COG5: variants seen among roughly 807,000 people sequenced by gnomAD.
The protein encoded by COG5 is component of oligomeric golgi complex 5, also known as conserved oligomeric Golgi complex subunit 5.
Under a neutral mutation model 110.4 loss-of-function variants are expected in COG5, and 86 were observed. The observed-to-expected ratio is 0.78, with a 90% CI of 0.65 to 0.93. The LOEUF is 0.93. Among genes scored for constraint, COG5 ranks in the 40% least tolerant of loss-of-function variants. COG5 has a pLI of 0.00. For synonymous variants in COG5, 360 were observed against 334.6 expected (o/e 1.08, Z -0.83); for missense variants, 1,077 against 987.0 (o/e 1.09, Z -1.22).
At chr7:107,511,164 G>T (rs1490430574) in intron 6 of COG5, among the ~76,000 whole-genome samples, 1 of 151,308 alleles carries the variant, frequency 6.6e-6, no homozygotes, top group African/African-American at 2.4e-5. Context: ...TAATAAAGAA[G>T]AAAAGAGAGA....
chr7:107,236,235 A>G (rs1562926800), intron 18 of COG5, among the ~76,000 whole-genome samples: 2 of 152,118 alleles, frequency 1.3e-5, no homozygotes, highest in Non-Finnish European at 2.9e-5. Context: ...TACCAAAGAG[A>G]GGGATAATTA....
chr7:107,520,037 CA>C (rs1259933854), intron 6 of COG5, among the ~76,000 whole-genome samples: 1 of 151,940 alleles, frequency 6.6e-6, no homozygotes, highest in Non-Finnish European at 1.5e-5. Context: ...GAACCAATGA[CA>C]AAAAAACATA....
chr7:107,550,712 T>C (rs896725750), intron 3 of COG5, among the ~76,000 whole-genome samples: 18 of 152,200 alleles, frequency 1.2e-4, no homozygotes, highest in Middle Eastern at 3.2e-3. Flanking sequence ...AAAATTTTTC[T>C]TTCTGTTTTC....
intron 11 of COG5, among the ~76,000 whole-genome samples, chr7:107,309,637 T>A (rs949266646): frequency 2.0e-5 from 3 of 152,196 alleles, no homozygotes; most frequent in African/African-American, 7.2e-5. Flanking sequence ...AGAAACAAAT[T>A]ACTGAGTTTA....
At chr7:107,206,417 C>T (rs1466626301) in intron 21 of COG5, among the ~76,000 whole-genome samples, 3 of 152,154 alleles carry the variant, frequency 2.0e-5, no homozygotes, top group Admixed American at 6.5e-5. Flanking sequence ...CCAGAGCTGA[C>T]CCTGAATGGA....
intron 18 of COG5, among the ~76,000 whole-genome samples, chr7:107,233,533 G>A (rs757424478): frequency 1.3e-5 from 2 of 152,104 alleles, no homozygotes; most frequent in Non-Finnish European, 2.9e-5. Context: ...CTGAAAATAC[G>A]TCATTATCTC....
At chr7:107,381,458 C>T (rs1815114060) in intron 7 of COG5, among the ~76,000 whole-genome samples, 1 of 152,162 alleles carries the variant, frequency 6.6e-6, no homozygotes, top group Non-Finnish European at 1.5e-5. Flanking sequence ...TAAGTATATG[C>T]TACTAATCAT....
At chr7:107,306,912 T>C (rs2116966954) in intron 11 of COG5, among the ~76,000 whole-genome samples, 1 of 152,336 alleles carries the variant, frequency 6.6e-6, no homozygotes, top group East Asian at 1.9e-4. Context: ...CTCTGTTTCA[T>C]CCCAACTCAT....
intron 21 of COG5, chr7:107,209,412 G>C (rs1337835070): frequency 4.8e-6 from 1 of 206,826 alleles, no homozygotes; most frequent in East Asian, 1.8e-4. Context: ...CTGGGGTTGA[G>C]ATTTCTGTGG....
chr7:107,398,358 G>C (rs1456122068), intron 7 of COG5, among the ~76,000 whole-genome samples: 1 of 152,206 alleles, frequency 6.6e-6, no homozygotes, highest in Non-Finnish European at 1.5e-5. Context: ...GTGGCTGTTA[G>C]GAACTGGGCC....
At chr7:107,438,498 T>C (rs750260824) in intron 6 of COG5, among the ~76,000 whole-genome samples, 48 of 152,244 alleles carry the variant, frequency 3.2e-4, no homozygotes, top group Non-Finnish European at 1.0e-4. Flanking sequence ...AGGTTTCTCC[T>C]GAGTGATGTG....
chr7:107,437,769 C>T (rs1242107413), intron 6 of COG5, among the ~76,000 whole-genome samples: 3 of 152,118 alleles, frequency 2.0e-5, no homozygotes, highest in Admixed American at 6.5e-5. Context: ...TTTCCTACAA[C>T]AGTATATACT....
chr7:107,505,277 G>A (rs1031998215), intron 6 of COG5, among the ~76,000 whole-genome samples: 2 of 152,222 alleles, frequency 1.3e-5, no homozygotes, highest in South Asian at 4.1e-4. Context: ...GGTGGGGAAA[G>A]GTCCCAGCCT....
chr7:107,370,019 C>T (rs1237023569), intron 8 of COG5, among the ~76,000 whole-genome samples: 2 of 151,938 alleles, frequency 1.3e-5, no homozygotes, highest in Non-Finnish European at 2.9e-5. Context: ...ATTTTTTTCT[C>T]TTGGGTTGTT....
At chr7:107,213,873 T>A (rs571334176) in intron 19 of COG5, among the ~76,000 whole-genome samples, 3 of 152,294 alleles carry the variant, frequency 2.0e-5, no homozygotes, top group Admixed American at 6.5e-5. Context: ...ACTAGCGGAA[T>A]AGTGACACCA....
In COG5 at chr7:107,503,396, T is replaced by G. The variant is rs556869848; in HGVS notation, c.538+23841A>C. 3.4e-4 allele frequency among the ~76,000 whole-genome samples: 51 copies of G among 152,216 alleles called. 1 individual carries two copies. The highest frequency in any genetic ancestry group is 5.7e-4 in the Non-Finnish European group (39 of 68,028). ...ACCAGAACCATGCTGTTCTGGTAACTGTATACAGCCTTGTAGTATAACTAA... is the reference window on the plus strand; with the variant it reads ...ACCAGAACCATGCTGTTCTGGTAACGGTATACAGCCTTGTAGTATAACTAA... On this transcript the variant is annotated intron_variant, in intron 6 of 21. Coordinates refer to ENST00000297135, the MANE Select transcript of COG5 (RefSeq NM_006348.5).
At position 107,203,374 on chromosome 7, in the gene COG5, G is replaced by GTAAA; in HGVS notation, c.*138_*141dup. On this transcript the variant is annotated 3_prime_UTR_variant, in exon 22 of 22. Coordinates refer to ENST00000297135, the MANE Select transcript of COG5 (RefSeq NM_006348.5). ...ATGCTAAAGTATAAGTGCTAAAGAG[G>GTAAA]TAAATAAACGTCGATAGGAAATACC... 1 of 702,676 alleles carries GTAAA rather than the reference G, an allele frequency of 1.4e-6. No homozygotes were observed. The highest frequency in any genetic ancestry group is 2.3e-4 in the Middle Eastern group (1 of 4,268). The allele number at this position is 702,676 out of a possible 1,614,324, so 43.5% of individuals were successfully genotyped here.
intron 6 of COG5, among the ~76,000 whole-genome samples, chr7:107,416,911 C>A (rs1792888807): frequency 6.6e-6 from 1 of 152,100 alleles, no homozygotes; most frequent in Non-Finnish European, 1.5e-5. Flanking sequence ...TTTTAGAAGT[C>A]AGAGGAATAT....
intron 6 of COG5, among the ~76,000 whole-genome samples, chr7:107,508,107 G>T (rs1164564602): frequency 3.3e-5 from 5 of 152,240 alleles, no homozygotes. Context: ...AGAGCAAGGG[G>T]TCAGGGAGTT....
Sources: allele counts gnomAD v4.1 joint callset (sites outside exome capture counted in the v4.1 genomes callset), GRCh38; gene constraint gnomAD v4.1.1; transcripts MANE v1.5; gene names NCBI Gene and HGNC (gene_info 2026-07-23, HGNC 2026-07-21).